The following KIAA1614 variants were observed in gnomAD, a reference collection of about 807,000 sequenced individuals.
KIAA1614 encodes the protein uncharacterized protein KIAA1614.
In KIAA1614, 76 loss-of-function variants were observed where a neutral mutation model predicts 88.7. That is an observed-to-expected ratio of 0.86 (90% CI 0.71 to 1.04). The LOEUF is 1.04. KIAA1614 is among the 50% of genes least tolerant of loss of function. The probability of loss-of-function intolerance (pLI) is 0.00; values close to 1 mark genes in which losing one functional copy is unlikely to be tolerated. For missense variants in KIAA1614, 1,553 were observed against 1,582.5 expected, an observed-to-expected ratio of 0.98 and a Z score of 0.32; for synonymous variants, 714 against 675.5, an observed-to-expected ratio of 1.06 and a Z score of -0.88.
rs570079193 is a variant in KIAA1614, at chr1:180,920,573, A to C, written c.1061+2659A>C. 2.6e-5 allele frequency among the ~76,000 whole-genome samples: 4 copies of C among 152,376 alleles called. No individual in the cohort carries two copies. In the East Asian group the frequency reaches 5.8e-4, roughly 22 times the overall value. ...GCTTCACATTCAGTCAAGTGTTGCA[A>C]TCAAATAACCATTACAACCAAGTTA... On this transcript the variant is annotated intron_variant, in intron 3 of 8. Coordinates refer to ENST00000367588, the MANE Select transcript of KIAA1614 (RefSeq NM_020950.2).
rs989312400 is a variant in KIAA1614 at position 180,916,976 on chromosome 1, G to C, written c.873G>C (p.Leu291Phe). ...LEALGAGSSV[L>F]SLSDRVERNR... Reference sequence around the variant, plus strand: ...CTCTGGGCGCTGGGAGCAGTGTCTTGTCCCTGTCTGATCGGGTGGAGAGAA... The same window carrying C: ...CTCTGGGCGCTGGGAGCAGTGTCTTCTCCCTGTCTGATCGGGTGGAGAGAA... Residue 291 changes from leucine (L) to phenylalanine (F), a missense_variant, in exon 2 of 9, where the codon TTG becomes TTC. Coordinates refer to ENST00000367588, the MANE Select transcript of KIAA1614 (RefSeq NM_020950.2). The C allele has an allele frequency of 6.2e-7, 1 of 1,614,196 alleles. No individual in the cohort carries two copies. The highest frequency in any genetic ancestry group is 8.5e-7 in the Non-Finnish European group (1 of 1,180,050).
chr1:180,927,763 C>G, intron 3 of KIAA1614, among the ~76,000 whole-genome samples: 1 of 152,270 alleles, frequency 6.6e-6, no homozygotes. Flanking sequence ...TTATGAAAGT[C>G]GAACCACTTG....
intron 3 of KIAA1614, among the ~76,000 whole-genome samples, chr1:180,919,099 C>G (rs1404946813): frequency 1.3e-5 from 2 of 152,144 alleles, no homozygotes; most frequent in Non-Finnish European, 2.9e-5. Context: ...CTCCTGACAC[C>G]CTCACACTGG....
At chr1:180,921,142 G>A (rs1431671760) in intron 3 of KIAA1614, among the ~76,000 whole-genome samples, 2 of 151,912 alleles carry the variant, frequency 1.3e-5, no homozygotes, top group Admixed American at 6.6e-5. Context: ...GGAGATAGGG[G>A]TGGGGCCGTT....
At position 180,935,079 on chromosome 1, in the gene KIAA1614, C is replaced by G; in HGVS notation, c.1206-36C>G. ...TGCGTGTCCATACCTCCCCAGGTTTCTGCCCTTGACCTCTCTCCTCCTGTC... is the reference window on the plus strand; with the variant it reads ...TGCGTGTCCATACCTCCCCAGGTTTGTGCCCTTGACCTCTCTCCTCCTGTC... On this transcript the variant is annotated intron_variant, in intron 4 of 8. Coordinates refer to ENST00000367588, the MANE Select transcript of KIAA1614 (RefSeq NM_020950.2). The surrounding 1 kb of genome is among the most constrained non-coding windows in gnomAD (Gnocchi z 6.1). 1 of 1,340,428 alleles carries G rather than the reference C, an allele frequency of 7.5e-7. No individual in the cohort carries two copies. Among genetic ancestry groups the G allele is most frequent in the Non-Finnish European group, 9.6e-7 (1 of 1,037,444 alleles). The allele number at this position is 1,340,428 out of a possible 1,614,324, so 83.0% of individuals were successfully genotyped here. A position where few individuals can be genotyped will look rare whatever the true frequency, so the allele number is the denominator to read the frequency against.
In KIAA1614 at chr1:180,938,694, A is replaced by C; in HGVS notation, c.2901A>C (p.Gly967=). 1 of 1,614,092 alleles carries C rather than the reference A, an allele frequency of 6.2e-7. No individual in the cohort carries two copies. The highest frequency in any genetic ancestry group is 8.5e-7 in the Non-Finnish European group (1 of 1,179,974). The change falls in exon 6 of 9, where the codon GGA becomes GGC. Residue 967 remains glycine, a synonymous_variant. Transcript: ENST00000367588. Reference sequence around the variant, plus strand: ...TGCAGAGGACAGGGTCAGGATCTGGAGGACATGTGCTGTCAAGGTGAGTGA... The same window carrying C: ...TGCAGAGGACAGGGTCAGGATCTGGCGGACATGTGCTGTCAAGGTGAGTGA... ...GSLQRTGSGS[G]GHVLSRASAG...
chr1:180,935,568 GC>G lies in KIAA1614; in HGVS notation c.1665del (p.Val556SerfsTer21), dbSNP rs768029757. ...ACCCGCGCCCCGCCCAGGGGAAGGC[GC>G]CCCCCGTCCCCAGGACCCTCCAGGA... Reference protein sequence around the residue: ...DDPRPAQGKAPPVPRTLQELQ... With the variant: ...DDPRPAQGKAXPVPRTLQELQ... On this transcript the variant is annotated frameshift_variant, in exon 5 of 9. Coordinates refer to ENST00000367588, the MANE Select transcript of KIAA1614 (RefSeq NM_020950.2). LOFTEE classifies it high-confidence loss of function. This position sits in a 1 kb window ranked among gnomAD's most constrained non-coding sequence, Gnocchi z 6.1. The G allele has an allele frequency of 2.5e-6, 4 of 1,602,588 alleles. No individual in the cohort carries two copies. Among genetic ancestry groups the G allele is most frequent in the East Asian group, 2.2e-5 (1 of 44,486 alleles).
intron 4 of KIAA1614, among the ~76,000 whole-genome samples, chr1:180,934,186 G>A (rs898755310): frequency 1.3e-5 from 2 of 151,244 alleles, no homozygotes; most frequent in South Asian, 2.1e-4. Flanking sequence ...CCTGGGAGGC[G>A]GAGGTTGCGG....
chr1:180,919,208 A>G (rs1387163679), intron 3 of KIAA1614, among the ~76,000 whole-genome samples: 1 of 152,156 alleles, frequency 6.6e-6, no homozygotes, highest in Admixed American at 6.5e-5. Context: ...AGGGCAGCCC[A>G]GGTTCATGTG....
intron 3 of KIAA1614, among the ~76,000 whole-genome samples, chr1:180,918,660 C>A (rs1163694812): frequency 6.6e-6 from 1 of 152,186 alleles, no homozygotes; most frequent in Non-Finnish European, 1.5e-5. Flanking sequence ...GTTTCCCCAG[C>A]TGTCTGGTGT....
intron 7 of KIAA1614, 143 bp downstream of exon 7, chr1:180,941,428 A>G (rs550670160): frequency 2.9e-6 from 3 of 1,027,068 alleles, no homozygotes; most frequent in Admixed American, 2.9e-5. Context: ...TGGCATCCCC[A>G]TGGTTGACCC....
chr1:180,928,476 G>A lies in KIAA1614; in HGVS notation c.1108G>A (p.Glu370Lys), dbSNP rs770421464. The change falls in exon 4 of 9, where the codon GAA becomes AAA. Residue 370 changes from glutamate (E) to lysine (K), a missense_variant. Glu to Lys is a moderately conservative substitution (Grantham distance 56). Coordinates refer to ENST00000367588, the MANE Select transcript of KIAA1614 (RefSeq NM_020950.2). ...PEPVLSPRHE[E>K]ATHLLQRARM... is the part of the protein sequence containing the mutation. Reference sequence around the variant, plus strand: ...GCCTGTGCTGAGCCCCAGGCATGAGGAAGCCACGCATCTGCTGCAGCGTGC... The same window carrying A: ...GCCTGTGCTGAGCCCCAGGCATGAGAAAGCCACGCATCTGCTGCAGCGTGC... 1.2e-6 allele frequency: 2 copies of A among 1,613,406 alleles called. No homozygotes were observed. Among genetic ancestry groups the A allele is most frequent in the Admixed American group, 3.3e-5 (2 of 60,024 alleles).
rs1451272995 is a variant in KIAA1614 at position 180,912,983 on chromosome 1, C to G, written c.-261C>G. 1.3e-5 allele frequency among the ~76,000 whole-genome samples: 2 copies of G among 151,936 alleles called. No homozygotes were observed. Among genetic ancestry groups the G allele is most frequent in the African/African-American group, 2.4e-5 (1 of 41,424 alleles). On this transcript the variant is annotated 5_prime_UTR_variant, in exon 1 of 9. Transcript: ENST00000367588. The surrounding 1 kb of genome is among the most constrained non-coding windows in gnomAD (Gnocchi z 5.1). ...CGCCCTCCCTGCCCGACCCCGCTTC[C>G]CGTCCTCTCGCCGGGAGGGAGTGCG...
chr1:180,938,120 C>G (rs1221744985), intron 5 of KIAA1614, among the ~76,000 whole-genome samples: 1 of 152,226 alleles, frequency 6.6e-6, no homozygotes, highest in Non-Finnish European at 1.5e-5. Context: ...TATTTTAAAG[C>G]TCTCAGAAAT....
rs1653698933 is a variant in KIAA1614, at chr1:180,913,236, T to G, written c.-8T>G. ...AAGGGGCTGGAGAGGGCCTGGCCTCTCCGAGGGATGGAGGGGACAGAGGCG... is the reference window on the plus strand; with the variant it reads ...AAGGGGCTGGAGAGGGCCTGGCCTCGCCGAGGGATGGAGGGGACAGAGGCG... On this transcript the variant is annotated 5_prime_UTR_variant, in exon 1 of 9. Coordinates refer to ENST00000367588, the MANE Select transcript of KIAA1614 (RefSeq NM_020950.2). The G allele has an allele frequency of 7.9e-7, 1 of 1,263,300 alleles. No homozygotes were observed. The highest frequency in any genetic ancestry group is 1.0e-6 in the Non-Finnish European group (1 of 998,282). 78.3% of individuals were successfully genotyped at this position (1,263,300 alleles called of 1,614,324 possible).
intron 3 of KIAA1614, among the ~76,000 whole-genome samples, chr1:180,921,871 C>T (rs991551068): frequency 1.3e-5 from 2 of 152,226 alleles, no homozygotes; most frequent in African/African-American, 4.8e-5. Flanking sequence ...CGCGCTCAGG[C>T]TCTCTCTGTA....
Position 180,936,424 on chromosome 1 carries a change from C to A in KIAA1614, c.2515C>A (p.Pro839Thr), listed in dbSNP as rs1654335381. The change falls in exon 5 of 9, where the codon CCT (proline) becomes ACT (threonine). Residue 839 changes from proline to threonine, a missense_variant. Transcript: ENST00000367588. ...GLLRLGDQTE[P>T]VGIPRPPSRS... ...GCTCAGGCTGGGTGACCAGACAGAG[C>A]CTGTGGGTATCCCTCGGCCTCCTTC... 6.2e-7 allele frequency: 1 copy of A among 1,614,092 alleles called. No individual in the cohort carries two copies. Among genetic ancestry groups the A allele is most frequent in the Non-Finnish European group, 8.5e-7 (1 of 1,180,038 alleles).
chr1:180,925,763 G>A (rs1168745712), intron 3 of KIAA1614, among the ~76,000 whole-genome samples: 1 of 152,220 alleles, frequency 6.6e-6, no homozygotes, highest in Non-Finnish European at 1.5e-5. Context: ...GAGGGGTGGG[G>A]GAAGGGCCAG....
intron 4 of KIAA1614, among the ~76,000 whole-genome samples, 158 bp from the exon 5 acceptor site, chr1:180,934,957 A>G (rs1244118863): frequency 1.3e-5 from 2 of 152,164 alleles, no homozygotes; most frequent in Non-Finnish European, 2.9e-5. Context: ...GTTTGCCGAG[A>G]CGCCCCCAGA....
Sources: gnomAD v4.1 joint callset for allele counts (sites outside exome capture counted in the v4.1 genomes callset) on GRCh38, gnomAD v4.1.1 for gene constraint, Gnocchi (gnomAD v3.1) non-coding constraint, MANE v1.5 for transcripts, NCBI Gene and HGNC (gene_info 2026-07-23, HGNC 2026-07-21) for gene names.